UBR3: variants seen among roughly 807,000 people sequenced by gnomAD.
The protein encoded by UBR3 is ubiquitin protein ligase E3 component n-recognin 3.
Under a neutral mutation model 243.2 loss-of-function variants are expected in UBR3, and 85 were observed. The observed-to-expected ratio is 0.35, with a 90% CI of 0.29 to 0.42. UBR3 has a LOEUF of 0.42. Ranked by LOEUF, UBR3 falls within the 10% of genes least tolerant of loss-of-function variation. The pLI is 1.00. For synonymous variants in UBR3, 748 were observed against 799.8 expected, an observed-to-expected ratio of 0.94 and a Z score of 1.09; for missense variants, 1,686 against 2,300.8, an observed-to-expected ratio of 0.73 and a Z score of 5.47.
intron 1 of UBR3, among the ~76,000 whole-genome samples, chr2:169,849,731 G>A (rs1394495332): frequency 6.6e-6 from 1 of 152,212 alleles, no homozygotes; most frequent in South Asian, 2.1e-4. Flanking sequence ...GCAGAATCCA[G>A]TCAACAAGAA....
intron 5 of UBR3, among the ~76,000 whole-genome samples, chr2:169,885,281 A>G (rs2084046284): frequency 6.6e-6 from 1 of 152,198 alleles, no homozygotes; most frequent in East Asian, 1.9e-4. Context: ...TAGGAATTGT[A>G]ACAATTAAAA....
intron 30 of UBR3, among the ~76,000 whole-genome samples, chr2:170,020,959 C>G (rs1437145652): frequency 6.6e-6 from 1 of 152,148 alleles, no homozygotes; most frequent in Non-Finnish European, 1.5e-5. Flanking sequence ...CTTGTACCTA[C>G]TATTCCAATC....
intron 1 of UBR3, among the ~76,000 whole-genome samples, chr2:169,835,372 AAAG>A: frequency 6.6e-6 from 1 of 152,230 alleles, no homozygotes; most frequent in Non-Finnish European, 1.5e-5. Flanking sequence ...CATCTCTTGA[AAAG>A]AAAGCAAAAA....
chr2:170,018,200 C>G (rs949622897), intron 30 of UBR3, among the ~76,000 whole-genome samples: 1 of 152,268 alleles, frequency 6.6e-6, no homozygotes, highest in Non-Finnish European at 1.5e-5. Context: ...TTTATCTTGT[C>G]TATTTTCTTT....
chr2:169,982,500 G>A (rs892383751), intron 24 of UBR3, among the ~76,000 whole-genome samples: 1 of 152,044 alleles, frequency 6.6e-6, no homozygotes, highest in African/African-American at 2.4e-5. Flanking sequence ...ATGTAACAGT[G>A]TAAACTCTTG....
chr2:169,871,433 G>A (rs1051283143), intron 1 of UBR3, among the ~76,000 whole-genome samples: 2 of 149,434 alleles, frequency 1.3e-5, no homozygotes, highest in East Asian at 2.0e-4. Flanking sequence ...AAAAAAAACA[G>A]TTAACTTCAT....
At chr2:170,056,646 T>C (rs1420227391) in intron 33 of UBR3, among the ~76,000 whole-genome samples, 1 of 152,214 alleles carries the variant, frequency 6.6e-6, no homozygotes, top group Non-Finnish European at 1.5e-5. Flanking sequence ...TTAAATGTCA[T>C]TAAAACTTTT....
At chr2:169,859,154 C>T (rs58768296) in intron 1 of UBR3, among the ~76,000 whole-genome samples, 2,412 of 136,464 alleles carry the variant, frequency 0.018, 73 homozygotes, top group African/African-American at 0.064. Context: ...GGCGTGATCT[C>T]GGCTTCACTG....
chr2:169,863,937 T>C (rs2083170833), intron 1 of UBR3, among the ~76,000 whole-genome samples: 1 of 152,240 alleles, frequency 6.6e-6, no homozygotes, highest in Non-Finnish European at 1.5e-5. Context: ...CATGTCATTT[T>C]GGCCTATAGC....
chr2:170,066,737 T>C (rs998691977), intron 35 of UBR3, among the ~76,000 whole-genome samples: 7 of 151,960 alleles, frequency 4.6e-5, no homozygotes, highest in African/African-American at 1.4e-4. Context: ...GAGGCTGAGG[T>C]GGGCGATCAC....
At chr2:170,006,515 C>A (rs1278968014) in intron 27 of UBR3, among the ~76,000 whole-genome samples, 2 of 152,136 alleles carry the variant, frequency 1.3e-5, no homozygotes, top group African/African-American at 4.8e-5. Context: ...AGCAGTTAGA[C>A]CCCTTAGAAG....
intron 36 of UBR3, among the ~76,000 whole-genome samples, chr2:170,074,337 T>G (rs1054500489): frequency 6.6e-6 from 1 of 152,132 alleles, no homozygotes; most frequent in Non-Finnish European, 1.5e-5. Flanking sequence ...GTACATGACT[T>G]TAAGATCTTG....
At chr2:169,853,041 G>A (rs1012945083) in intron 1 of UBR3, among the ~76,000 whole-genome samples, 1 of 152,154 alleles carries the variant, frequency 6.6e-6, no homozygotes, top group African/African-American at 2.4e-5. Flanking sequence ...ATGAATGAAT[G>A]TAAATTTTTT....
intron 1 of UBR3, among the ~76,000 whole-genome samples, chr2:169,847,565 TAC>T (rs905205277): frequency 1.1e-4 from 17 of 152,334 alleles, no homozygotes; most frequent in African/African-American, 3.8e-4. Context: ...TATTTTTATT[TAC>T]AGTCAACAAT....
intron 5 of UBR3, among the ~76,000 whole-genome samples, chr2:169,886,156 C>CAAAAAAAAA (rs71006050): frequency 8.9e-6 from 1 of 112,162 alleles, no homozygotes. Context: ...GACTCCGTCT[C>CAAAAAAAAA]AAAAAAAAAA....
At chr2:169,907,870 C>T (rs892329942) in intron 10 of UBR3, among the ~76,000 whole-genome samples, 2 of 151,994 alleles carry the variant, frequency 1.3e-5, no homozygotes, top group Non-Finnish European at 2.9e-5. Context: ...CTCCTGGGTT[C>T]AAGCGATTCT....
chr2:169,828,098 C>A, intron 1 of UBR3, 46 bp downstream of exon 1: 1 of 1,324,558 alleles, frequency 7.5e-7, no homozygotes. Context: ...GGGCCGGGGA[C>A]GTCGCGGGAG....
At position 170,083,596 on chromosome 2, in the gene UBR3, T is replaced by A. The variant is rs2091938708; in HGVS notation, c.*1753T>A. 1 of 152,620 alleles carries A rather than the reference T, an allele frequency of 6.6e-6. No individual in the cohort carries two copies. The highest frequency in any genetic ancestry group is 1.5e-5 in the Non-Finnish European group (1 of 68,000). 9.5% of individuals were successfully genotyped at this position (152,620 alleles called of 1,614,324 possible). On this transcript the variant is annotated 3_prime_UTR_variant, in exon 39 of 39. Coordinates refer to ENST00000272793, the MANE Select transcript of UBR3 (RefSeq NM_172070.4). Reference sequence around the variant, plus strand: ...CTAGTAAATACTGTTACAGGATTCATGAACTTGAATAATTCTACAGTTTGA... The same window carrying A: ...CTAGTAAATACTGTTACAGGATTCAAGAACTTGAATAATTCTACAGTTTGA...
Position 169,998,628 on chromosome 2 carries a change from A to C in UBR3, c.3919-2676A>C, listed in dbSNP as rs552897771. On this transcript the variant is annotated intron_variant, in intron 26 of 38. Transcript: ENST00000272793. Reference sequence around the variant, plus strand: ...AGAGTACCAGAGTGGTAGCTGGACCAGACTGTATAGAGCAGAAGAATGACT... The same window carrying C: ...AGAGTACCAGAGTGGTAGCTGGACCCGACTGTATAGAGCAGAAGAATGACT... Among the ~76,000 whole-genome samples the C allele has an allele frequency of 5.3e-5, 8 of 152,344 alleles. No individual in the cohort carries two copies. In the East Asian group the frequency reaches 1.5e-3, roughly 29 times the overall value.
Sources: gnomAD v4.1 joint callset for allele counts (sites outside exome capture counted in the v4.1 genomes callset) on GRCh38, gnomAD v4.1.1 for gene constraint, MANE v1.5 for transcripts, NCBI Gene and HGNC (gene_info 2026-07-23, HGNC 2026-07-21) for gene names.